Variants in PCDHGB1 observed in about 807,000 individuals in gnomAD.
PCDHGB1 encodes protocadherin gamma-B1.
A neutral mutation model predicts 56.6 loss-of-function variants in PCDHGB1; 34 were observed. That is an observed-to-expected ratio of 0.60 (90% confidence interval 0.46 to 0.80). The LOEUF is 0.80. Ranked by LOEUF, PCDHGB1 falls within the 30% of genes least tolerant of loss-of-function variation. PCDHGB1 has a pLI of 0.00. For missense variants in PCDHGB1, 1,278 were observed against 1,204.6 expected, an observed-to-expected ratio of 1.06 and a Z score of -0.90; for synonymous variants, 561 against 505.9, an observed-to-expected ratio of 1.11 and a Z score of -1.46.
rs755457564 is a variant in PCDHGB1, at chr5:141,394,423, G to A, written c.2409+41754G>A. The stretch of plus-strand genomic sequence containing the variant: ...CAGCTACTGGTAACAGCCAGCGACA[G>A]CGGGGACCCGCCCCTCAGCAGCAAC... On this transcript the variant is annotated intron_variant, in intron 1 of 3. Coordinates refer to ENST00000523390, the MANE Select transcript of PCDHGB1 (RefSeq NM_018922.3). 2.5e-6 allele frequency: 4 copies of A among 1,614,248 alleles called. No homozygotes were observed. The Admixed American group carries it at 6.7e-5, about 27-fold the overall frequency.
chr5:141,480,145 C>A (rs1331658762), intron 1 of PCDHGB1, among the ~76,000 whole-genome samples: 1 of 151,968 alleles, frequency 6.6e-6, no homozygotes, highest in Non-Finnish European at 1.5e-5. Context: ...CAATTATTAG[C>A]CAGCTCCTAG....
intron 1 of PCDHGB1, chr5:141,409,039 C>G: frequency 1.9e-6 from 3 of 1,614,004 alleles, no homozygotes; most frequent in Non-Finnish European, 1.7e-6. Flanking sequence ...AGATAAACTA[C>G]TACTTCCGAA....
At chr5:141,404,672 G>T in intron 1 of PCDHGB1, 1 of 1,614,156 alleles carries the variant, frequency 6.2e-7, no homozygotes, top group Non-Finnish European at 8.5e-7. Flanking sequence ...TGGTTCTACT[G>T]GTGTGGAGCT....
chr5:141,460,649 A>G (rs1171722531), intron 1 of PCDHGB1, among the ~76,000 whole-genome samples: 2 of 152,152 alleles, frequency 1.3e-5, no homozygotes, highest in Non-Finnish European at 2.9e-5. Flanking sequence ...GTGTTTACAC[A>G]TATGTAACTG....
chr5:141,450,985 C>T (rs533993975), intron 1 of PCDHGB1, among the ~76,000 whole-genome samples: 22 of 151,876 alleles, frequency 1.4e-4, no homozygotes, highest in African/African-American at 3.9e-4. Flanking sequence ...CCACCACACC[C>T]GGCTAATTTT....
chr5:141,354,903 T>C (rs561929111), intron 1 of PCDHGB1: 1 of 399,854 alleles, frequency 2.5e-6, no homozygotes, highest in Non-Finnish European at 4.4e-6. Flanking sequence ...GAAATAGGAA[T>C]AGAAAAGTGT....
chr5:141,356,297 T>C, intron 1 of PCDHGB1: 1 of 1,554,974 alleles, frequency 6.4e-7, no homozygotes, highest in African/African-American at 1.4e-5. Flanking sequence ...GGTACAGTAA[T>C]TGCACTTTTC....
At chr5:141,496,888 T>TAA (rs35063790) in intron 2 of PCDHGB1, among the ~76,000 whole-genome samples, 141 of 134,106 alleles carry the variant, frequency 1.1e-3, no homozygotes, top group East Asian at 2.4e-3. Context: ...AAGTAACACT[T>TAA]AAAAAAAAAA....
At chr5:141,433,358 C>CCTATCTATCTAT (rs3074541) in intron 1 of PCDHGB1, 6,701 of 503,954 alleles carry the variant, frequency 0.013, 75 homozygotes, top group East Asian at 0.016. Context: ...CTACTGTCTG[C>CCTATCTATCTAT]CTATCTATCT....
intron 1 of PCDHGB1, among the ~76,000 whole-genome samples, chr5:141,434,935 T>C (rs952530533): frequency 6.6e-6 from 1 of 151,788 alleles, no homozygotes; most frequent in Non-Finnish European, 1.5e-5. Flanking sequence ...TTTTATATAA[T>C]AGATATAATT....
chr5:141,403,049 T>A, intron 1 of PCDHGB1: 1 of 1,614,056 alleles, frequency 6.2e-7, no homozygotes, highest in Non-Finnish European at 8.5e-7. Context: ...TCAGATTCGC[T>A]ACTCAGTGCC....
intron 1 of PCDHGB1, among the ~76,000 whole-genome samples, chr5:141,456,866 G>A (rs2098893781): frequency 6.6e-6 from 1 of 152,170 alleles, no homozygotes; most frequent in African/African-American, 2.4e-5. Flanking sequence ...GGGAGGCTGA[G>A]GCAGGAGAAT....
chr5:141,401,281 G>C (rs2094135967), intron 1 of PCDHGB1, among the ~76,000 whole-genome samples: 1 of 152,200 alleles, frequency 6.6e-6, no homozygotes, highest in Non-Finnish European at 1.5e-5. Context: ...GGTGGAGGTT[G>C]CGGTGAGCCG....
In PCDHGB1 at chr5:141,405,080, A is replaced by T. The variant is rs1382053021; in HGVS notation, c.2409+52411A>T. 2.5e-6 allele frequency: 4 copies of T among 1,613,560 alleles called. No individual in the cohort carries two copies. In the East Asian group the frequency reaches 6.7e-5, roughly 27 times the overall value. On this transcript the variant is annotated intron_variant, in intron 1 of 3. Coordinates refer to ENST00000523390, the MANE Select transcript of PCDHGB1 (RefSeq NM_018922.3). ...CTGTGTCTTCCTCACCTTCGTTATC[A>T]CGCTGCTGGCCCTCAGGCTGAGGCA...
chr5:141,365,905 G>C (rs539434078), intron 1 of PCDHGB1: 14 of 1,614,190 alleles, frequency 8.7e-6, no homozygotes, highest in Non-Finnish European at 1.1e-5. Flanking sequence ...ATGAGCAGTT[G>C]AGAGACCTAC....
At chr5:141,446,767 G>T (rs891355909) in intron 1 of PCDHGB1, among the ~76,000 whole-genome samples, 1 of 152,118 alleles carries the variant, frequency 6.6e-6, no homozygotes, top group African/African-American at 2.4e-5. Flanking sequence ...GCGCCCAGCC[G>T]GTTACCATTC....
rs558504351 is a variant in PCDHGB1, at chr5:141,374,628, T to A, written c.2409+21959T>A. The A allele has an allele frequency of 2.5e-6, 4 of 1,613,272 alleles. No individual in the cohort carries two copies. The South Asian group carries it at 3.3e-5, about 13-fold the overall frequency. On this transcript the variant is annotated intron_variant, in intron 1 of 3. Coordinates refer to ENST00000523390, the MANE Select transcript of PCDHGB1 (RefSeq NM_018922.3). ...GGTAATAGTCACTTCTCAGTGGACG[T>A]GCAAAGCGAAGCCCATGGGCCCAAG...
chr5:141,500,062 TAA>T (rs1314388217), intron 2 of PCDHGB1, among the ~76,000 whole-genome samples: 1 of 152,144 alleles, frequency 6.6e-6, no homozygotes, highest in East Asian at 1.9e-4. Flanking sequence ...TCTTTTAATG[TAA>T]AAGACTTCCC....
chr5:141,389,309 T>C (rs763262842), intron 1 of PCDHGB1: 1 of 1,613,900 alleles, frequency 6.2e-7, no homozygotes, highest in African/African-American at 1.3e-5. Context: ...TCAGGGCTTC[T>C]GATCCGGACT....
Sources: allele counts gnomAD v4.1 joint callset (sites outside exome capture counted in the v4.1 genomes callset), GRCh38; gene constraint gnomAD v4.1.1; transcripts MANE v1.5; gene names NCBI Gene and HGNC (gene_info 2026-07-23, HGNC 2026-07-21).